The following KBTBD12 variants were observed in gnomAD, a reference collection of about 807,000 sequenced individuals.
KBTBD12 encodes the protein kelch repeat and BTB domain containing 12.
KBTBD12 carries 53 observed loss-of-function variants against 58.7 expected under a neutral mutation model. That is an observed-to-expected ratio of 0.90 (90% CI 0.72 to 1.14). KBTBD12 has a LOEUF of 1.14. KBTBD12 is among the 50% of genes most tolerant of loss of function. The probability of loss-of-function intolerance (pLI) is 0.00; values close to 1 mark genes in which losing one functional copy is unlikely to be tolerated. For missense variants in KBTBD12, 704 were observed against 751.3 expected (o/e 0.94, Z 0.74); for synonymous variants, 236 against 259.8 (o/e 0.91, Z 0.88).
At chr3:127,926,590 C>A (rs2107590786) in intron 2 of KBTBD12, among the ~76,000 whole-genome samples, 1 of 152,194 alleles carries the variant, frequency 6.6e-6, no homozygotes, top group African/African-American at 2.4e-5. Context: ...TTCTAACTGC[C>A]CTGTCAAGCC....
chr3:127,942,166 T>C (rs1939963888), intron 4 of KBTBD12, among the ~76,000 whole-genome samples: 5 of 152,168 alleles, frequency 3.3e-5, no homozygotes, highest in Admixed American at 3.3e-4. Flanking sequence ...AGGTCAATCA[T>C]TTACTTTTAA....
intron 5 of KBTBD12, among the ~76,000 whole-genome samples, chr3:127,971,785 A>AGCCATTT (rs1940686976): frequency 6.6e-6 from 1 of 152,152 alleles, no homozygotes; most frequent in Admixed American, 6.5e-5. Flanking sequence ...AGCCCATCTG[A>AGCCATTT]GCCATTTTCA....
intron 4 of KBTBD12, among the ~76,000 whole-genome samples, chr3:127,956,182 G>T (rs755141590): frequency 6.6e-6 from 1 of 152,004 alleles, no homozygotes; most frequent in South Asian, 2.1e-4. Flanking sequence ...ATCATATGAG[G>T]GGTTTTAAAC....
chr3:127,955,156 CAG>C (rs993056051), intron 4 of KBTBD12, among the ~76,000 whole-genome samples: 1 of 152,180 alleles, frequency 6.6e-6, no homozygotes, highest in East Asian at 1.9e-4. Context: ...CAGAAATTAT[CAG>C]AGTTTTACAG....
At chr3:127,920,183 C>A (rs535559490) in intron 1 of KBTBD12, among the ~76,000 whole-genome samples, 1 of 152,234 alleles carries the variant, frequency 6.6e-6, no homozygotes, top group Admixed American at 6.5e-5. Context: ...GTACAAAAAA[C>A]TCCTATATGC....
At chr3:127,963,445 A>G in intron 5 of KBTBD12, 59 bp downstream of exon 5, 6 of 1,419,104 alleles carry the variant, frequency 4.2e-6, no homozygotes, top group Non-Finnish European at 5.7e-6. Context: ...GACTTTCTTT[A>G]ACTGATCCAA....
In KBTBD12 at chr3:127,977,511, A is replaced by G. The variant is rs1001156906; in HGVS notation, c.1691-6586A>G. 7.0e-4 allele frequency among the ~76,000 whole-genome samples: 107 copies of G among 152,278 alleles called. 1 individual carries two copies. Among genetic ancestry groups the G allele is most frequent in the African/African-American group, 2.5e-3 (103 of 41,554 alleles). ...TGCCAGCATCTTTTTTCACTTTTTAATAATAGCCATTATGACTGGTGTGAG... is the reference window on the plus strand; with the variant it reads ...TGCCAGCATCTTTTTTCACTTTTTAGTAATAGCCATTATGACTGGTGTGAG... On this transcript the variant is annotated intron_variant, in intron 5 of 5. Coordinates refer to ENST00000405109, the MANE Select transcript of KBTBD12 (RefSeq NM_207335.4).
At chr3:127,919,701 T>C (rs1315318345) in intron 1 of KBTBD12, among the ~76,000 whole-genome samples, 1 of 152,136 alleles carries the variant, frequency 6.6e-6, no homozygotes, top group Non-Finnish European at 1.5e-5. Flanking sequence ...ATTTTTTGTT[T>C]TTTCCAATCA....
intron 5 of KBTBD12, among the ~76,000 whole-genome samples, chr3:127,968,191 C>T (rs1413116288): frequency 6.6e-6 from 1 of 152,198 alleles, no homozygotes; most frequent in Non-Finnish European, 1.5e-5. Flanking sequence ...AGTCTTACGT[C>T]TTCTATTAGC....
At chr3:127,920,670 G>A (rs923201838) in intron 1 of KBTBD12, among the ~76,000 whole-genome samples, 20 of 151,842 alleles carry the variant, frequency 1.3e-4, no homozygotes, top group East Asian at 1.9e-4. Flanking sequence ...TCAAACATTC[G>A]TGGCTTAAAG....
At chr3:127,961,733 A>AT (rs76630746) in intron 4 of KBTBD12, among the ~76,000 whole-genome samples, 23,988 of 152,106 alleles carry the variant, frequency 0.16, 2,132 homozygotes, top group South Asian at 0.32. Flanking sequence ...TCTTCATTCC[A>AT]ACACACAACG....
chr3:127,934,097 G>C (rs1285209764), intron 4 of KBTBD12, among the ~76,000 whole-genome samples: 1 of 152,120 alleles, frequency 6.6e-6, no homozygotes, highest in East Asian at 1.9e-4. Flanking sequence ...TTCAATAAAA[G>C]TTGTCTCTGA....
At position 127,987,492 on chromosome 3, in the gene KBTBD12, C is replaced by T. The variant is rs1462302389; in HGVS notation, c.*3214C>T. ...TTATCTTTGTGACAGGATTGTTTGA[C>T]ACTGAGCAAGGAAACACAATAAGGA... is the stretch of plus-strand genomic sequence containing the variant. On this transcript the variant is annotated 3_prime_UTR_variant, in exon 6 of 6. Transcript: ENST00000405109. 1 of 152,198 alleles carries T rather than the reference C, an allele frequency of 6.6e-6. No homozygotes were observed. Among genetic ancestry groups the T allele is most frequent in the African/African-American group, 2.4e-5 (1 of 41,444 alleles). 9.4% of individuals were successfully genotyped at this position (152,198 alleles called of 1,614,324 possible). A position where few individuals can be genotyped will look rare whatever the true frequency, so the allele number is the denominator to read the frequency against.
chr3:127,973,966 A>G (rs975432522), intron 5 of KBTBD12, among the ~76,000 whole-genome samples: 7 of 152,164 alleles, frequency 4.6e-5, no homozygotes, highest in Non-Finnish European at 1.0e-4. Flanking sequence ...TACTAAACTT[A>G]TGATATCCTG....
At chr3:127,927,081 C>T (rs1939589042) in intron 2 of KBTBD12, among the ~76,000 whole-genome samples, 1 of 152,086 alleles carries the variant, frequency 6.6e-6, no homozygotes, top group African/African-American at 2.4e-5. Flanking sequence ...CATTGAGAGA[C>T]CATATATACT....
Position 127,923,961 on chromosome 3 carries a change from T to A in KBTBD12, c.900T>A (p.Cys300Ter). The change falls in exon 2 of 6, where the codon TGT becomes TGA. Residue 300 changes from cysteine to a stop codon, truncating the protein, a stop_gained. Transcript: ENST00000405109. LOFTEE classifies it high-confidence loss of function. ...GGAGCTATGGGGATGCCAGTTTTTG[T>A]TATGATCCTGTATCACGGAAAACCT... Reference protein sequence around the residue: ...RHRSYGDASFCYDPVSRKTYF... With the variant: ...RHRSYGDASF The A allele has an allele frequency of 6.2e-7, 1 of 1,613,926 alleles. No homozygotes were observed. Among genetic ancestry groups the A allele is most frequent in the Non-Finnish European group, 8.5e-7 (1 of 1,179,842 alleles).
intron 5 of KBTBD12, among the ~76,000 whole-genome samples, chr3:127,975,767 C>T (rs1940773338): frequency 6.6e-6 from 1 of 152,178 alleles, no homozygotes; most frequent in Non-Finnish European, 1.5e-5. Context: ...TCTCCGAACT[C>T]TATCAAGCTA....
chr3:127,947,926 T>C (rs1940118595), intron 4 of KBTBD12, among the ~76,000 whole-genome samples: 1 of 152,184 alleles, frequency 6.6e-6, no homozygotes, highest in Non-Finnish European at 1.5e-5. Flanking sequence ...TCTGCACCTC[T>C]CCGATGCCTT....
intron 5 of KBTBD12, among the ~76,000 whole-genome samples, chr3:127,976,820 G>A (rs1329210072): frequency 6.6e-6 from 1 of 152,116 alleles, no homozygotes; most frequent in Non-Finnish European, 1.5e-5. Context: ...CAGGACCTCT[G>A]TTCTTTTTGT....
Sources: gnomAD v4.1 joint callset for allele counts (sites outside exome capture counted in the v4.1 genomes callset) on GRCh38, gnomAD v4.1.1 for gene constraint, MANE v1.5 for transcripts, NCBI Gene and HGNC (gene_info 2026-07-23, HGNC 2026-07-21) for gene names.